The following SETD2 variants were observed in gnomAD, a reference collection of about 807,000 sequenced individuals.
The protein encoded by SETD2 is histone-lysine N-methyltransferase SETD2.
Under a neutral mutation model 242.1 loss-of-function variants are expected in SETD2, and 31 were observed. The ratio of observed to expected loss-of-function variants is 0.13; its 90% confidence interval spans 0.10 to 0.17. SETD2 has a LOEUF of 0.17. Ranked by LOEUF, SETD2 falls within the 10% of genes least tolerant of loss-of-function variation. SETD2 has a pLI of 1.00. For synonymous variants in SETD2, 1,006 were observed against 1,066.5 expected, an observed-to-expected ratio of 0.94 and a Z score of 1.11; for missense variants, 2,481 against 3,046.3, an observed-to-expected ratio of 0.81 and a Z score of 4.37.
intron 1 of SETD2, among the ~76,000 whole-genome samples, chr3:47,136,916 T>C (rs1385204429): frequency 6.6e-6 from 1 of 152,052 alleles, no homozygotes; most frequent in Non-Finnish European, 1.5e-5. Context: ...ATGACGCCAC[T>C]GCACTCCAGC....
chr3:47,064,783 A>G (rs1348912248), intron 13 of SETD2, among the ~76,000 whole-genome samples: 1 of 147,726 alleles, frequency 6.8e-6, no homozygotes, highest in East Asian at 1.9e-4. Flanking sequence ...TATATAAAAT[A>G]TATAAAATAA....
rs58087520 is a variant in SETD2, at chr3:47,154,471, G to T, written c.71+9383C>A. On this transcript the variant is annotated intron_variant, in intron 1 of 20. Transcript: ENST00000409792. ...ATGTAAATGGAAACAAATACAGAAT[G>T]TAGGAAAAAGGCAGAAAAATACATA... Among the ~76,000 whole-genome samples the T allele has an allele frequency of 9.1e-3, 1,387 of 152,156 alleles. 20 individuals are homozygous for T. The highest frequency in any genetic ancestry group is 0.032 in the African/African-American group (1,315 of 41,504).
intron 14 of SETD2, among the ~76,000 whole-genome samples, chr3:47,060,706 T>G (rs1357910352): frequency 6.6e-6 from 1 of 151,908 alleles, no homozygotes; most frequent in Non-Finnish European, 1.5e-5. Flanking sequence ...AAAACACAAT[T>G]TAAAAAACCA....
At chr3:47,072,842 G>A (rs990108803) in intron 12 of SETD2, among the ~76,000 whole-genome samples, 9 of 151,726 alleles carry the variant, frequency 5.9e-5, no homozygotes, top group Non-Finnish European at 1.2e-4. Context: ...AGCTACTCAG[G>A]AGGCTGAGGC....
intron 17 of SETD2, among the ~76,000 whole-genome samples, chr3:47,038,448 T>C (rs2039122144): frequency 6.6e-6 from 1 of 152,020 alleles, no homozygotes; most frequent in Non-Finnish European, 1.5e-5. Context: ...ACCCCATCTC[T>C]ACTATAAATA....
At chr3:47,160,060 G>A (rs1697444198) in intron 1 of SETD2, among the ~76,000 whole-genome samples, 1 of 151,660 alleles carries the variant, frequency 6.6e-6, no homozygotes, top group South Asian at 2.1e-4. Flanking sequence ...GCCATAATGG[G>A]CAAAACTCAC....
intron 15 of SETD2, among the ~76,000 whole-genome samples, chr3:47,053,845 T>G (rs1036591119): frequency 1.3e-5 from 2 of 152,340 alleles, no homozygotes; most frequent in East Asian, 3.9e-4. Flanking sequence ...TGAATACTAT[T>G]AAGGTAACTA....
intron 12 of SETD2, among the ~76,000 whole-genome samples, chr3:47,068,519 C>T (rs1471351952): frequency 3.4e-5 from 4 of 116,854 alleles, no homozygotes; most frequent in African/African-American, 1.0e-4. Flanking sequence ...TTTTTTGAGA[C>T]GGAGTCTTGC....
chr3:47,053,629 A>C (rs1335671034), intron 15 of SETD2, among the ~76,000 whole-genome samples: 1 of 152,226 alleles, frequency 6.6e-6, no homozygotes, highest in Non-Finnish European at 1.5e-5. Flanking sequence ...ACAGACGTAA[A>C]TGTATATTAT....
At chr3:47,079,279 A>C (rs2041230949) in intron 12 of SETD2, among the ~76,000 whole-genome samples, 1 of 152,140 alleles carries the variant, frequency 6.6e-6, no homozygotes, top group African/African-American at 2.4e-5. Flanking sequence ...ATCTATACTA[A>C]AACAGTCTCA....
chr3:47,075,973 A>G (rs1468077912), intron 12 of SETD2, among the ~76,000 whole-genome samples: 1 of 152,242 alleles, frequency 6.6e-6, no homozygotes, highest in African/African-American at 2.4e-5. Flanking sequence ...TATTTTTGAA[A>G]TGTCAAACTA....
intron 16 of SETD2, among the ~76,000 whole-genome samples, chr3:47,044,406 C>T (rs1446994815): frequency 2.4e-5 from 3 of 124,790 alleles, no homozygotes; most frequent in South Asian, 5.6e-4. Context: ...GGGCTCAACT[C>T]GTAACAAGCA....
At chr3:47,051,022 C>T (rs1394744106) in intron 15 of SETD2, among the ~76,000 whole-genome samples, 1 of 151,924 alleles carries the variant, frequency 6.6e-6, no homozygotes. Context: ...TGTGAGCCAC[C>T]GCACCTGGCC....
chr3:47,048,230 A>T (rs2039620156), intron 15 of SETD2, among the ~76,000 whole-genome samples: 2 of 152,196 alleles, frequency 1.3e-5, no homozygotes, highest in Non-Finnish European at 2.9e-5. Context: ...TCTACTAAAA[A>T]TACAAAAAAT....
intron 17 of SETD2, among the ~76,000 whole-genome samples, chr3:47,038,304 T>C (rs1320632306): frequency 6.6e-6 from 1 of 152,128 alleles, no homozygotes; most frequent in Non-Finnish European, 1.5e-5. Context: ...ACAAGAAAAA[T>C]ACGTACAGGT....
Position 47,122,187 on chromosome 3 carries a change from T to A in SETD2, c.2449A>T (p.Met817Leu). 1 of 1,614,064 alleles carries A rather than the reference T, an allele frequency of 6.2e-7. No homozygotes were observed. The highest frequency in any genetic ancestry group is 1.1e-5 in the South Asian group (1 of 91,086). The change falls in exon 3 of 21, where the codon ATG (methionine) becomes TTG (leucine). Residue 817 changes from methionine to leucine, a missense_variant. This residue lies in a region of SETD2 where 1,300 missense variants were observed against 1,259.2 expected (regional missense o/e 1.03). Transcript: ENST00000409792. ...ATAAAGCTATTTGAAGAAATCTTCATAACTGAAGGCTCAATATTTTCAGCT... is the reference window on the plus strand; with the variant it reads ...ATAAAGCTATTTGAAGAAATCTTCAAAACTGAAGGCTCAATATTTTCAGCT... ...SEAENIEPSV[M>L]KISSNSFMNV...
At chr3:47,027,952 T>C (rs866039605) in intron 18 of SETD2, among the ~76,000 whole-genome samples, 2 of 152,030 alleles carry the variant, frequency 1.3e-5, no homozygotes, top group African/African-American at 4.8e-5. Flanking sequence ...CCCGCACACC[T>C]GACTAATTTT....
At chr3:47,048,824 C>T (rs1429272518) in intron 15 of SETD2, among the ~76,000 whole-genome samples, 7 of 151,974 alleles carry the variant, frequency 4.6e-5, no homozygotes, top group Admixed American at 6.6e-5. Context: ...CGTGCCACCA[C>T]GCCTGGCTAA....
At chr3:47,136,395 T>C (rs1037619807) in intron 1 of SETD2, among the ~76,000 whole-genome samples, 1 of 152,066 alleles carries the variant, frequency 6.6e-6, no homozygotes, top group Non-Finnish European at 1.5e-5. Flanking sequence ...TGGAATACCA[T>C]TCCCTCCAGA....
Sources: gnomAD v4.1 joint callset for allele counts (sites outside exome capture counted in the v4.1 genomes callset) on GRCh38, gnomAD v4.1.1 for gene constraint, gnomAD v4.1.1 regional missense constraint, MANE v1.5 for transcripts, NCBI Gene and HGNC (gene_info 2026-07-23, HGNC 2026-07-21) for gene names.